The following RSRC1 variants were observed in gnomAD, a reference collection of about 807,000 sequenced individuals.
RSRC1 encodes the protein serine/Arginine-related protein 53.
RSRC1 carries 39 observed loss-of-function variants against 49.1 expected under a neutral mutation model. The observed-to-expected ratio is 0.79, with a 90% CI of 0.61 to 1.04. The LOEUF (loss-of-function observed/expected upper bound fraction) is 1.04, where lower values mean the gene tolerates loss of function less well. Among genes scored for constraint, RSRC1 ranks in the 50% least tolerant of loss-of-function variants. The probability of loss-of-function intolerance (pLI) is 0.00; values close to 1 mark genes in which losing one functional copy is unlikely to be tolerated. For synonymous variants in RSRC1, 143 were observed against 130.8 expected (o/e 1.09, Z -0.63); for missense variants, 388 against 402.4 (o/e 0.96, Z 0.31).
chr3:158,372,786 G>A (rs1732152669), intron 6 of RSRC1, among the ~76,000 whole-genome samples: 1 of 151,802 alleles, frequency 6.6e-6, no homozygotes, highest in South Asian at 2.1e-4. Flanking sequence ...GATCAATCTG[G>A]GGAGAATTGG....
At chr3:158,484,400 T>C (rs1738737173) in intron 7 of RSRC1, among the ~76,000 whole-genome samples, 2 of 152,140 alleles carry the variant, frequency 1.3e-5, no homozygotes, top group South Asian at 4.1e-4. Flanking sequence ...TGTTATGGGT[T>C]ATTAAGGGAA....
Position 158,343,782 on chromosome 3 carries a change from A to C in RSRC1, c.532-11075A>C, listed in dbSNP as rs1460318837. 2.6e-5 allele frequency among the ~76,000 whole-genome samples: 4 copies of C among 152,162 alleles called. No individual in the cohort carries two copies. In the East Asian group the frequency reaches 7.7e-4, roughly 29 times the overall value. On this transcript the variant is annotated intron_variant, in intron 5 of 9. Transcript: ENST00000611884. ...ACTATCCAAAATGAAACTAGAGAGA[A>C]AAAGAAGGCTTAGAAGAGCATTTGT...
intron 7 of RSRC1, among the ~76,000 whole-genome samples, chr3:158,473,224 C>T (rs971741527): frequency 2.0e-5 from 3 of 151,956 alleles, no homozygotes; most frequent in Non-Finnish European, 2.9e-5. Flanking sequence ...GTATGTTTAT[C>T]GCGGCACTAC....
Position 158,325,040 on chromosome 3 carries a change from G to A in RSRC1, c.531+26965G>A, listed in dbSNP as rs563246952. Among the ~76,000 whole-genome samples the A allele has an allele frequency of 5.3e-5, 8 of 152,320 alleles. No individual in the cohort carries two copies. In the South Asian group the frequency reaches 1.7e-3, roughly 32 times the overall value. On this transcript the variant is annotated intron_variant, in intron 5 of 9. Transcript: ENST00000611884. The stretch of plus-strand genomic sequence containing the variant: ...CTGCATAAATGTCTTCTTTTGAGAA[G>A]TGTCTGTTCATATCCTTTGCCCACT...
At chr3:158,234,959 T>G (rs1723160792) in intron 4 of RSRC1, among the ~76,000 whole-genome samples, 1 of 152,138 alleles carries the variant, frequency 6.6e-6, no homozygotes, top group Non-Finnish European at 1.5e-5. Flanking sequence ...AATCACAGTT[T>G]CCATACATGC....
chr3:158,439,448 A>G (rs1736250926), intron 6 of RSRC1, among the ~76,000 whole-genome samples: 1 of 152,154 alleles, frequency 6.6e-6, no homozygotes, highest in Non-Finnish European at 1.5e-5. Context: ...GATAAAGAAA[A>G]TATGGCACAT....
intron 4 of RSRC1, among the ~76,000 whole-genome samples, chr3:158,229,328 GTA>G (rs1379401334): frequency 2.4e-5 from 1 of 41,508 alleles, no homozygotes; most frequent in African/African-American, 7.4e-5. Context: ...ACATACACAG[GTA>G]TATGTGTATG....
intron 3 of RSRC1, among the ~76,000 whole-genome samples, chr3:158,183,043 T>C (rs1719718792): frequency 6.6e-6 from 1 of 152,142 alleles, no homozygotes; most frequent in South Asian, 2.1e-4. Context: ...ATTTGCCAAT[T>C]GTCACTCCTT....
intron 4 of RSRC1, among the ~76,000 whole-genome samples, chr3:158,267,858 C>CTTTTTTT (rs377128391): frequency 3.4e-4 from 31 of 91,186 alleles, no homozygotes; most frequent in South Asian, 4.2e-4. Flanking sequence ...GTTTCCATAT[C>CTTTTTTT]TATTTTTTTT....
rs1185405189 is a variant in RSRC1, at chr3:158,481,550, G to T, written c.652+20547G>T. Among the ~76,000 whole-genome samples, 2 of 152,050 alleles carry T rather than the reference G, an allele frequency of 1.3e-5. 1 individual carries two copies. Among genetic ancestry groups the T allele is most frequent in the Non-Finnish European group, 2.9e-5 (2 of 67,974 alleles). On this transcript the variant is annotated intron_variant, in intron 7 of 9. Transcript: ENST00000611884. ...TTGAAACTTTTTGGAATTCAGTTTGGTCAACAGCATTGAAATTTTATTTTT... is the reference window on the plus strand; with the variant it reads ...TTGAAACTTTTTGGAATTCAGTTTGTTCAACAGCATTGAAATTTTATTTTT...
intron 4 of RSRC1, among the ~76,000 whole-genome samples, chr3:158,247,695 G>T (rs1723982179): frequency 6.6e-6 from 1 of 152,116 alleles, no homozygotes; most frequent in Non-Finnish European, 1.5e-5. Flanking sequence ...AGTTGGCTTT[G>T]GTTCTTCCTG....
intron 4 of RSRC1, among the ~76,000 whole-genome samples, chr3:158,266,239 C>T (rs1725167905): frequency 6.6e-6 from 1 of 151,072 alleles, no homozygotes; most frequent in Admixed American, 6.6e-5. Context: ...AATTTTTTCC[C>T]TTACTCTCTA....
intron 4 of RSRC1, among the ~76,000 whole-genome samples, chr3:158,268,690 T>C (rs188271154): frequency 6.6e-6 from 1 of 152,338 alleles, no homozygotes; most frequent in East Asian, 1.9e-4. Flanking sequence ...CCATGTTACT[T>C]AGTTATTATA....
At chr3:158,372,562 C>T (rs1464306498) in intron 6 of RSRC1, among the ~76,000 whole-genome samples, 4 of 151,888 alleles carry the variant, frequency 2.6e-5, no homozygotes, top group Admixed American at 2.6e-4. Context: ...TGTATGGAGT[C>T]TGGAAATTAG....
intron 4 of RSRC1, among the ~76,000 whole-genome samples, chr3:158,224,942 G>A (rs1216180017): frequency 6.6e-6 from 1 of 151,758 alleles, no homozygotes; most frequent in Non-Finnish European, 1.5e-5. Context: ...ATCCTTTCTG[G>A]CTAAGTAAAT....
At chr3:158,189,200 AC>A (rs1255607687) in intron 3 of RSRC1, among the ~76,000 whole-genome samples, 14 of 151,886 alleles carry the variant, frequency 9.2e-5, no homozygotes, top group Non-Finnish European at 1.5e-5. Context: ...ATGCTTTCTA[AC>A]TTTGAAATGT....
intron 3 of RSRC1, among the ~76,000 whole-genome samples, chr3:158,157,721 G>A (rs1303225545): frequency 6.6e-6 from 1 of 152,146 alleles, no homozygotes; most frequent in East Asian, 1.9e-4. Flanking sequence ...TTTGAGACCA[G>A]CCTGACCAAC....
intron 4 of RSRC1, among the ~76,000 whole-genome samples, chr3:158,265,331 A>G (rs1725109012): frequency 6.6e-6 from 1 of 152,114 alleles, no homozygotes; most frequent in Admixed American, 6.6e-5. Context: ...TCTTTTGCCC[A>G]TTTAAAATTT....
At chr3:158,491,764 T>A (rs4510417) in intron 7 of RSRC1, among the ~76,000 whole-genome samples, 79,088 of 151,980 alleles carry the variant, frequency 0.52, 21,128 homozygotes, top group African/African-American at 0.64. Flanking sequence ...ATAGAACATA[T>A]CAACAGTGAA....
Sources: allele counts gnomAD v4.1 joint callset (sites outside exome capture counted in the v4.1 genomes callset), GRCh38; gene constraint gnomAD v4.1.1; transcripts MANE v1.5; gene names NCBI Gene and HGNC (gene_info 2026-07-23, HGNC 2026-07-21).